TNRC6C: variants seen among roughly 807,000 people sequenced by gnomAD.
TNRC6C encodes trinucleotide repeat containing adaptor 6C.
TNRC6C carries 20 observed loss-of-function variants against 153.7 expected under a neutral mutation model. That is an observed-to-expected ratio of 0.13 (90% CI 0.09 to 0.19). The LOEUF is 0.19. Ranked by LOEUF, TNRC6C falls within the 10% of genes least tolerant of loss-of-function variation. TNRC6C has a pLI of 1.00. For synonymous variants in TNRC6C, 811 were observed against 841.4 expected (o/e 0.96, Z 0.63); for missense variants, 1,987 against 2,172.0 (o/e 0.91, Z 1.69).
intron 12 of TNRC6C, 70 bp from the exon 15 acceptor site, chr17:78,086,783 A>G (rs2073299069): frequency 2.5e-6 from 4 of 1,586,186 alleles, no homozygotes; most frequent in Non-Finnish European, 8.6e-7. Context: ...TGAAGAATGC[A>G]TTTGGTCCCT....
intron 1 of TNRC6C, among the ~76,000 whole-genome samples, chr17:78,023,511 A>G (rs942653288): frequency 1.3e-5 from 2 of 152,194 alleles, no homozygotes; most frequent in Non-Finnish European, 2.9e-5. Context: ...TTGAGTCTAG[A>G]ATAAAACTTT....
At chr17:78,069,290 A>C (rs2072944136) in intron 5 of TNRC6C, among the ~76,000 whole-genome samples, 1 of 152,214 alleles carries the variant, frequency 6.6e-6, no homozygotes. Context: ...AAGGAGCACC[A>C]GTGGCTCCTA....
upstream of TNRC6C, among the ~76,000 whole-genome samples, chr17:77,958,124 C>T (rs1276065405): frequency 6.6e-6 from 1 of 151,828 alleles, no homozygotes; most frequent in African/African-American, 2.4e-5. Flanking sequence ...CGGTGCAGGG[C>T]GTGTGCACGG....
At chr17:78,011,888 A>G (rs1598684067) in intron 1 of TNRC6C, 1 of 152,230 alleles carries the variant, frequency 6.6e-6, no homozygotes, top group Non-Finnish European at 1.5e-5. Flanking sequence ...TTTAATTGGC[A>G]TTAACCTAAT....
At chr17:78,005,653 C>T (rs780894774) in intron 1 of TNRC6C, among the ~76,000 whole-genome samples, 1 of 152,170 alleles carries the variant, frequency 6.6e-6, no homozygotes, top group East Asian at 1.9e-4. Context: ...CTCCAAGCCT[C>T]TTCCTTTTAT....
rs1251841803 is a variant in TNRC6C, at chr17:78,049,257, C to T, written c.195C>T (p.Cys65=). 1.2e-6 allele frequency: 2 copies of T among 1,611,382 alleles called. No individual in the cohort carries two copies. The highest frequency in any genetic ancestry group is 1.1e-5 in the South Asian group (1 of 90,608). The change falls in exon 3 of 20, where the codon TGC becomes TGT. Residue 65 remains cysteine (C), a synonymous_variant. Transcript: ENST00000301624. The surrounding 1 kb of genome is among the most constrained non-coding windows in gnomAD (Gnocchi z 4.1). ...GCTCCAGCTCTGGCCTGGCTCACTGCTCTGTCAGTGGTGGGGATGGAAAAA... is the reference window on the plus strand; with the variant it reads ...GCTCCAGCTCTGGCCTGGCTCACTGTTCTGTCAGTGGTGGGGATGGAAAAA...
At chr17:78,102,364 C>A in intron 17 of TNRC6C, 110 bp from the exon 21 acceptor site, 1 of 979,960 alleles carries the variant, frequency 1.0e-6, no homozygotes, top group Non-Finnish European at 1.5e-6. Context: ...TCCTAAAGCA[C>A]GCAGTGACGG....
At chr17:78,003,757 A>T (rs551789873), upstream of TNRC6C, among the ~76,000 whole-genome samples, 4 of 152,360 alleles carry the variant, frequency 2.6e-5, no homozygotes, top group African/African-American at 7.2e-5. Context: ...AGAACCCTAG[A>T]GATCAAGTGG....
chr17:78,078,332 C>A (rs1232940576), intron 9 of TNRC6C, among the ~76,000 whole-genome samples: 4 of 152,166 alleles, frequency 2.6e-5, no homozygotes, highest in Non-Finnish European at 5.9e-5. Flanking sequence ...CTGTGCAATA[C>A]CTTACCTCAC....
chr17:78,029,929 T>G (rs1201768414), intron 1 of TNRC6C, among the ~76,000 whole-genome samples: 1 of 152,020 alleles, frequency 6.6e-6, no homozygotes, highest in Non-Finnish European at 1.5e-5. Flanking sequence ...GCATGGAGGT[T>G]TCATCTCCTG....
chr17:77,993,029 G>T (rs143953348), intron 1 of TNRC6C, among the ~76,000 whole-genome samples: 1 of 151,982 alleles, frequency 6.6e-6, no homozygotes, highest in African/African-American at 2.4e-5. Context: ...GCAGTGGCAC[G>T]AACTTGGCTC....
At chr17:78,107,186 G>A (rs1162707831) in exon 20 of TNRC6C, 1 of 152,136 alleles carries the variant, frequency 6.6e-6, no homozygotes, top group Non-Finnish European at 1.5e-5. Context: ...TAGAAAAACT[G>A]TTGTTTTAAA....
At chr17:78,102,721 A>C in intron 18 of TNRC6C, 177 bp downstream of exon 21, 1 of 588,628 alleles carries the variant, frequency 1.7e-6, no homozygotes, top group Non-Finnish European at 2.9e-6. Flanking sequence ...CAGCAGCGGC[A>C]GCAGATGGGG....
chr17:78,060,098 CAG>C (rs1380634653), intron 3 of TNRC6C, among the ~76,000 whole-genome samples: 22 of 152,272 alleles, frequency 1.4e-4, no homozygotes, highest in African/African-American at 5.1e-4. Flanking sequence ...AACCCTCAAA[CAG>C]AGTCCCCTGA....
intron 1 of TNRC6C, among the ~76,000 whole-genome samples, chr17:78,028,929 T>A (rs1452456740): frequency 6.6e-6 from 1 of 152,256 alleles, no homozygotes; most frequent in Non-Finnish European, 1.5e-5. Flanking sequence ...CGCCGACTCT[T>A]GCACTTTACA....
intron 1 of TNRC6C, among the ~76,000 whole-genome samples, chr17:77,980,377 T>G (rs781485204): frequency 2.0e-5 from 3 of 152,180 alleles, no homozygotes; most frequent in Non-Finnish European, 4.4e-5. Context: ...CGGCTCTCAC[T>G]CTACAACAGT....
upstream of TNRC6C, among the ~76,000 whole-genome samples, chr17:78,003,796 C>G (rs754256812): frequency 2.6e-5 from 4 of 152,134 alleles, no homozygotes; most frequent in African/African-American, 9.7e-5. Flanking sequence ...AGGCTTGGTG[C>G]GTCACACTGG....
intron 3 of TNRC6C, among the ~76,000 whole-genome samples, chr17:78,058,772 A>G (rs2072708116): frequency 6.6e-6 from 1 of 152,242 alleles, no homozygotes; most frequent in Admixed American, 6.5e-5. Context: ...CAGGGATTCC[A>G]GCTGTGCTGG....
chr17:78,034,323 CTG>C (rs1279286024), intron 2 of TNRC6C, among the ~76,000 whole-genome samples: 1 of 152,090 alleles, frequency 6.6e-6, no homozygotes, highest in Admixed American at 6.5e-5. Flanking sequence ...TCCCAAAGTG[CTG>C]TGATTCCAGG....
Sources: gnomAD v4.1 joint callset for allele counts (sites outside exome capture counted in the v4.1 genomes callset) on GRCh38, gnomAD v4.1.1 for gene constraint, Gnocchi (gnomAD v3.1) non-coding constraint, MANE v1.5 for transcripts, NCBI Gene and HGNC (gene_info 2026-07-23, HGNC 2026-07-21) for gene names.